AP4S1: variants seen among roughly 807,000 people sequenced by gnomAD.
AP4S1 encodes AP-4 complex subunit sigma-1.
AP4S1 carries 23 observed loss-of-function variants against 19.8 expected under a neutral mutation model. The observed-to-expected ratio is 1.16, with a 90% CI of 0.84 to 1.65. The LOEUF is 1.65. Among genes scored for constraint, AP4S1 ranks in the 40% most tolerant of loss-of-function variants. The probability of loss-of-function intolerance (pLI) is 0.00; values close to 1 mark genes in which losing one functional copy is unlikely to be tolerated. For missense variants in AP4S1, 166 were observed against 172.8 expected (o/e 0.96, Z 0.22); for synonymous variants, 46 against 54.1 (o/e 0.85, Z 0.66).
chr14:31,081,809 G>C (rs1161986733), intron 5 of AP4S1, among the ~76,000 whole-genome samples: 1 of 151,598 alleles, frequency 6.6e-6, no homozygotes, highest in East Asian at 1.9e-4. Context: ...AATATTAAGT[G>C]GATGCAAAAC....
At chr14:31,030,966 C>T (rs886435466) in intron 1 of AP4S1, among the ~76,000 whole-genome samples, 3 of 152,104 alleles carry the variant, frequency 2.0e-5, no homozygotes, top group African/African-American at 7.2e-5. Context: ...TGTGTTCCGA[C>T]CCAAATCTCA....
intron 3 of AP4S1, among the ~76,000 whole-genome samples, 185 bp downstream of exon 3, chr14:31,070,114 C>T (rs550007298): frequency 6.8e-4 from 104 of 152,280 alleles, no homozygotes; most frequent in Non-Finnish European, 1.3e-3. Context: ...CCTGCCTCAG[C>T]CTCCCAAGTA....
chr14:31,070,920 C>T (rs1030866996), intron 3 of AP4S1, among the ~76,000 whole-genome samples: 7 of 151,942 alleles, frequency 4.6e-5, no homozygotes, highest in Admixed American at 3.3e-4. Context: ...GGCGTGGTGG[C>T]GGGCGCCTGT....
intron 5 of AP4S1, among the ~76,000 whole-genome samples, chr14:31,090,587 T>C (rs1406267526): frequency 1.3e-5 from 2 of 152,238 alleles, no homozygotes; most frequent in African/African-American, 4.8e-5. Context: ...CTCACTACAT[T>C]AGTATACCAA....
At chr14:31,087,360 T>TTA (rs1339119637) in intron 5 of AP4S1, among the ~76,000 whole-genome samples, 1 of 152,176 alleles carries the variant, frequency 6.6e-6, no homozygotes, top group Non-Finnish European at 1.5e-5. Flanking sequence ...TTTTTTCTTT[T>TTA]TATTTTTCTT....
chr14:31,092,631 TTAG>T (rs1452442968), intron 5 of AP4S1, among the ~76,000 whole-genome samples: 1 of 152,218 alleles, frequency 6.6e-6, no homozygotes, highest in Admixed American at 6.5e-5. Context: ...TCTCTAGCAC[TTAG>T]TAGACCCCCT....
In AP4S1 at chr14:31,051,787, A is replaced by G. The variant is rs146567365; in HGVS notation, c.-71-14339A>G. On this transcript the variant is annotated intron_variant, in intron 1 of 5. Coordinates refer to ENST00000542754, the MANE Select transcript of AP4S1 (RefSeq NM_001128126.3). ...GCAATTCCCCTGCCTCAGCCTCCAG[A>G]GTAGCTGGGATCACAGGCATGCACT... 5.7e-3 allele frequency among the ~76,000 whole-genome samples: 861 copies of G among 152,126 alleles called. 5 individuals are homozygous for G. The highest frequency in any genetic ancestry group is 9.4e-3 in the Non-Finnish European group (642 of 67,968).
chr14:31,069,448 T>A (rs914262849), intron 2 of AP4S1, among the ~76,000 whole-genome samples: 1 of 152,206 alleles, frequency 6.6e-6, no homozygotes, highest in Non-Finnish European at 1.5e-5. Context: ...TGAGAATATC[T>A]AATTGCTTCC....
At chr14:31,042,051 G>A (rs1216626253) in intron 1 of AP4S1, among the ~76,000 whole-genome samples, 2 of 151,894 alleles carry the variant, frequency 1.3e-5, no homozygotes, top group South Asian at 2.1e-4. Context: ...GGCTGGTCTC[G>A]AACTTCTGAC....
chr14:31,075,288 T>C (rs1440276989), intron 4 of AP4S1, among the ~76,000 whole-genome samples: 2 of 152,238 alleles, frequency 1.3e-5, no homozygotes, highest in Non-Finnish European at 2.9e-5. Flanking sequence ...TATTTGTCTT[T>C]CGGTGCCTGG....
At chr14:31,054,882 A>C (rs1401861583) in intron 1 of AP4S1, among the ~76,000 whole-genome samples, 1 of 148,054 alleles carries the variant, frequency 6.8e-6, no homozygotes, top group African/African-American at 2.5e-5. Context: ...AAAAAAAAAA[A>C]AAAAAAAAAA....
chr14:31,068,164 G>A (rs772586283), intron 2 of AP4S1, among the ~76,000 whole-genome samples: 3 of 152,210 alleles, frequency 2.0e-5, no homozygotes, highest in East Asian at 1.9e-4. Context: ...CACCACGCCC[G>A]GCCCCTTGAA....
rs781612065 is a variant in AP4S1 at position 31,093,083 on chromosome 14, C to A, written c.*48C>A. The A allele has an allele frequency of 1.2e-5, 19 of 1,525,926 alleles. No homozygotes were observed. Among genetic ancestry groups the A allele is most frequent in the Non-Finnish European group, 1.7e-5 (19 of 1,136,482 alleles). 94.5% of individuals were successfully genotyped at this position (1,525,926 alleles called of 1,614,324 possible). A position where few individuals can be genotyped will look rare whatever the true frequency, so the allele number is the denominator to read the frequency against. ...ATGGATTTATCAGAAATGCGAGTAC[C>A]GTGGAATACATCTCAACATGTTAAC... On this transcript the variant is annotated 3_prime_UTR_variant, in exon 6 of 6. Transcript: ENST00000542754.
chr14:31,047,358 G>A (rs1885469080), intron 1 of AP4S1, among the ~76,000 whole-genome samples: 1 of 147,860 alleles, frequency 6.8e-6, no homozygotes, highest in Admixed American at 6.8e-5. Context: ...TTGTTTGTTG[G>A]TTGGTTTTTA....
intron 1 of AP4S1, among the ~76,000 whole-genome samples, chr14:31,059,677 C>CTGT (rs1264242755): frequency 6.6e-6 from 1 of 152,110 alleles, no homozygotes; most frequent in African/African-American, 2.4e-5. Flanking sequence ...TGATTAAACA[C>CTGT]CACAGAGTAT....
intron 1 of AP4S1, among the ~76,000 whole-genome samples, chr14:31,028,618 CAG>C (rs959759545): frequency 6.6e-6 from 1 of 151,636 alleles, no homozygotes; most frequent in East Asian, 1.9e-4. Context: ...CACACACACA[CAG>C]AGACATTTGT....
chr14:31,037,235 T>C (rs1884832961), intron 1 of AP4S1, among the ~76,000 whole-genome samples: 1 of 151,760 alleles, frequency 6.6e-6, no homozygotes, highest in Non-Finnish European at 1.5e-5. Context: ...CTTCCTCCTG[T>C]TCTTGTTGCT....
chr14:31,060,832 A>C (rs1886395954), intron 1 of AP4S1, among the ~76,000 whole-genome samples: 1 of 152,178 alleles, frequency 6.6e-6, no homozygotes, highest in Non-Finnish European at 1.5e-5. Context: ...CACATGAATA[A>C]AGGACATTCA....
intron 5 of AP4S1, among the ~76,000 whole-genome samples, chr14:31,089,653 G>A (rs932869088): frequency 3.3e-5 from 5 of 152,116 alleles, no homozygotes; most frequent in African/African-American, 9.7e-5. Flanking sequence ...GGTGGCTCAC[G>A]CCTGTAATCC....
Sources: allele counts gnomAD v4.1 joint callset (sites outside exome capture counted in the v4.1 genomes callset), GRCh38; gene constraint gnomAD v4.1.1; transcripts MANE v1.5; gene names NCBI Gene and HGNC (gene_info 2026-07-23, HGNC 2026-07-21).